The following ROBO1 variants were observed in gnomAD, a reference collection of about 807,000 sequenced individuals.
ROBO1 encodes the protein roundabout homolog 1.
A neutral mutation model predicts 195.9 loss-of-function variants in ROBO1; 149 were observed. The ratio of observed to expected loss-of-function variants is 0.76; its 90% CI spans 0.67 to 0.87. The LOEUF (loss-of-function observed/expected upper bound fraction) is 0.87, where lower values mean the gene tolerates loss of function less well. ROBO1 is among the 40% of genes least tolerant of loss of function. The probability of loss-of-function intolerance (pLI) is 0.00; values close to 1 mark genes in which losing one functional copy is unlikely to be tolerated. For missense variants in ROBO1, 1,933 were observed against 2,068.3 expected, an observed-to-expected ratio of 0.93 and a Z score of 1.27; for synonymous variants, 816 against 733.2, an observed-to-expected ratio of 1.11 and a Z score of -1.82.
chr3:79,304,844 T>C (rs562417701), intron 2 of ROBO1, among the ~76,000 whole-genome samples: 4 of 152,344 alleles, frequency 2.6e-5, no homozygotes, highest in African/African-American at 9.6e-5. Context: ...TTGTAAACAT[T>C]CTTTATATGG....
At chr3:79,098,373 G>A (rs1185432554) in intron 3 of ROBO1, among the ~76,000 whole-genome samples, 1 of 151,740 alleles carries the variant, frequency 6.6e-6, no homozygotes. Context: ...GTCCAATCCT[G>A]GGTTCTCATT....
intron 8 of ROBO1, among the ~76,000 whole-genome samples, chr3:78,713,220 C>T (rs1341469032): frequency 1.3e-5 from 2 of 152,016 alleles, no homozygotes; most frequent in Admixed American, 6.6e-5. Flanking sequence ...GAGCTAAAAA[C>T]CCCAAAGTGG....
chr3:79,694,341 G>A lies in ROBO1; in HGVS notation c.-51+73411C>T, dbSNP rs1025302726. 9.9e-5 allele frequency among the ~76,000 whole-genome samples: 15 copies of A among 151,852 alleles called. 1 individual carries two copies. The highest frequency in any genetic ancestry group is 7.8e-4 in the East Asian group (4 of 5,144). On this transcript the variant is annotated intron_variant, in intron 1 of 30. Transcript: ENST00000464233. ...CCTATTTACTTATCTCTTTTAGGTCGACTGTTTTATAATGTCTTGAGAAAG... is the reference window on the plus strand; with the variant it reads ...CCTATTTACTTATCTCTTTTAGGTCAACTGTTTTATAATGTCTTGAGAAAG...
At chr3:78,992,624 C>T (rs1487016134) in intron 3 of ROBO1, among the ~76,000 whole-genome samples, 1 of 152,086 alleles carries the variant, frequency 6.6e-6, no homozygotes, top group Non-Finnish European at 1.5e-5. Flanking sequence ...TGTGCTGTGG[C>T]TTGCTAGTAA....
chr3:78,613,577 A>G (rs542084214), intron 28 of ROBO1, among the ~76,000 whole-genome samples: 23 of 152,320 alleles, frequency 1.5e-4, no homozygotes, highest in East Asian at 7.7e-4. Context: ...ATGTAGTCTA[A>G]TATCAGATAG....
chr3:79,765,967 C>T (rs1381891130), intron 1 of ROBO1, among the ~76,000 whole-genome samples: 1 of 152,148 alleles, frequency 6.6e-6, no homozygotes, highest in Admixed American at 6.5e-5. Flanking sequence ...ATCACTTACA[C>T]AGGGCAGATG....
At chr3:79,610,316 A>G (rs1944618317) in intron 1 of ROBO1, among the ~76,000 whole-genome samples, 1 of 151,912 alleles carries the variant, frequency 6.6e-6, no homozygotes, top group African/African-American at 2.4e-5. Flanking sequence ...GTAATCAATA[A>G]TAAAATAGGA....
chr3:79,496,730 A>T (rs917738606), intron 2 of ROBO1, among the ~76,000 whole-genome samples: 2 of 152,098 alleles, frequency 1.3e-5, no homozygotes, highest in African/African-American at 4.8e-5. Context: ...TTTAAATGTA[A>T]TATTATTAAC....
At chr3:79,596,447 T>C (rs1227362452) in intron 1 of ROBO1, among the ~76,000 whole-genome samples, 1 of 151,988 alleles carries the variant, frequency 6.6e-6, no homozygotes, top group Non-Finnish European at 1.5e-5. Flanking sequence ...AGTCCAGTAT[T>C]GGGTAAAGAT....
At chr3:79,369,106 GA>G (rs879628909) in intron 2 of ROBO1, among the ~76,000 whole-genome samples, 56 of 151,910 alleles carry the variant, frequency 3.7e-4, no homozygotes, top group Non-Finnish European at 7.1e-4. Flanking sequence ...TAAATAGTGG[GA>G]AAAAAATGAG....
At chr3:79,576,525 A>G (rs976247129) in intron 2 of ROBO1, among the ~76,000 whole-genome samples, 1 of 152,116 alleles carries the variant, frequency 6.6e-6, no homozygotes, top group Non-Finnish European at 1.5e-5. Context: ...AATATTGTCT[A>G]GTTTAAGAAA....
intron 2 of ROBO1, among the ~76,000 whole-genome samples, chr3:79,352,623 C>G (rs990750548): frequency 2.0e-5 from 3 of 152,176 alleles, no homozygotes; most frequent in Non-Finnish European, 2.9e-5. Flanking sequence ...TACGAAGGAA[C>G]TCCCTTGTGC....
chr3:78,721,589 T>C (rs1352947520), intron 5 of ROBO1, among the ~76,000 whole-genome samples: 1 of 152,212 alleles, frequency 6.6e-6, no homozygotes, highest in Non-Finnish European at 1.5e-5. Context: ...AATTTAACAT[T>C]CTCTTTGTTT....
intron 3 of ROBO1, among the ~76,000 whole-genome samples, chr3:79,018,027 A>C (rs956126647): frequency 1.4e-4 from 21 of 152,130 alleles, no homozygotes; most frequent in African/African-American, 5.1e-4. Context: ...CTCCCCAGGG[A>C]AGCAGCCGGC....
chr3:79,623,937 C>T (rs531475979), intron 1 of ROBO1, among the ~76,000 whole-genome samples: 1 of 152,102 alleles, frequency 6.6e-6, no homozygotes, highest in Non-Finnish European at 1.5e-5. Flanking sequence ...ATGTTAAGGG[C>T]AGCCAGAGAG....
intron 1 of ROBO1, among the ~76,000 whole-genome samples, chr3:79,709,908 A>G (rs1702207437): frequency 6.6e-6 from 1 of 152,176 alleles, no homozygotes; most frequent in Non-Finnish European, 1.5e-5. Flanking sequence ...CAAACCAGGA[A>G]GTCTGCCCTC....
At chr3:79,752,367 T>C (rs1465810337) in intron 1 of ROBO1, among the ~76,000 whole-genome samples, 1 of 152,158 alleles carries the variant, frequency 6.6e-6, no homozygotes, top group East Asian at 1.9e-4. Flanking sequence ...CTGGTAGCAA[T>C]GGACATAGAG....
chr3:78,634,461 G>C (rs1176756265), intron 23 of ROBO1: 1 of 308,948 alleles, frequency 3.2e-6, no homozygotes, highest in Non-Finnish European at 7.0e-6. Context: ...TGATAAGCTT[G>C]CCACTGGAAT....
At chr3:79,754,641 A>G (rs1359457067) in intron 1 of ROBO1, among the ~76,000 whole-genome samples, 1 of 152,140 alleles carries the variant, frequency 6.6e-6, no homozygotes. Flanking sequence ...CTTAATGGAG[A>G]AGGAATAGGA....
Sources: gnomAD v4.1 joint callset for allele counts (sites outside exome capture counted in the v4.1 genomes callset) on GRCh38, gnomAD v4.1.1 for gene constraint, MANE v1.5 for transcripts, NCBI Gene and HGNC (gene_info 2026-07-23, HGNC 2026-07-21) for gene names.